CALY: variants seen among roughly 807,000 people sequenced by gnomAD.
CALY encodes the protein neuron-specific vesicular protein calcyon.
In CALY, 15 loss-of-function variants were observed where a neutral mutation model predicts 20.2. The observed-to-expected ratio is 0.74, with a 90% CI of 0.50 to 1.14. CALY has a LOEUF of 1.14. CALY is among the 50% of genes most tolerant of loss of function. The pLI is 0.00. For synonymous variants in CALY, 129 were observed against 131.8 expected, an observed-to-expected ratio of 0.98 and a Z score of 0.15; for missense variants, 270 against 304.4, an observed-to-expected ratio of 0.89 and a Z score of 0.84.
At chr10:133,336,151 G>T (rs1848438706) in intron 1 of CALY, among the ~76,000 whole-genome samples, 1 of 152,158 alleles carries the variant, frequency 6.6e-6, no homozygotes, top group Non-Finnish European at 1.5e-5. Flanking sequence ...TGGCGCTGCA[G>T]GGGGCTGTGG....
At chr10:133,336,058 T>G (rs1848436690) in intron 1 of CALY, among the ~76,000 whole-genome samples, 1 of 152,042 alleles carries the variant, frequency 6.6e-6, no homozygotes, top group African/African-American at 2.4e-5. Flanking sequence ...GGTGGGCTTG[T>G]GCGGGCCGGG....
At chr10:133,326,849 AC>A in intron 4 of CALY, 28 bp downstream of exon 4, 3 of 1,481,342 alleles carry the variant, frequency 2.0e-6, no homozygotes, top group Non-Finnish European at 2.8e-6. Flanking sequence ...GCGGCTCTAC[AC>A]CCCCCACCAG....
chr10:133,335,171 G>C (rs1230692670), intron 1 of CALY, among the ~76,000 whole-genome samples: 1 of 152,144 alleles, frequency 6.6e-6, no homozygotes, highest in Non-Finnish European at 1.5e-5. Context: ...GGTGGAGCTT[G>C]GCCCGCGGGG....
chr10:133,329,281 G>A (rs930253537), intron 1 of CALY, among the ~76,000 whole-genome samples: 5 of 152,204 alleles, frequency 3.3e-5, no homozygotes, highest in Non-Finnish European at 7.4e-5. Flanking sequence ...ACGAAGCAGG[G>A]GGAGACTTCC....
intron 4 of CALY, 140 bp from the exon 5 acceptor site, chr10:133,326,260 T>C: frequency 6.4e-7 from 1 of 1,550,444 alleles, no homozygotes. Flanking sequence ...AAGATCAGCC[T>C]CCAGTTCAGA....
At chr10:133,332,680 G>C (rs1359740847) in intron 1 of CALY, among the ~76,000 whole-genome samples, 2 of 152,172 alleles carry the variant, frequency 1.3e-5, no homozygotes, top group Non-Finnish European at 2.9e-5. Context: ...GGGTGCCTTT[G>C]AATGGGATCT....
chr10:133,331,284 G>A (rs1447934340), intron 1 of CALY, among the ~76,000 whole-genome samples: 1 of 152,118 alleles, frequency 6.6e-6, no homozygotes, highest in Non-Finnish European at 1.5e-5. Flanking sequence ...AATGCTGTAG[G>A]GCAGGACAAA....
chr10:133,331,883 C>A (rs10857702), intron 1 of CALY, among the ~76,000 whole-genome samples: 110,216 of 152,058 alleles, frequency 0.72, 41,396 homozygotes, highest in East Asian at 0.93. Flanking sequence ...AGTCCCAACA[C>A]TTTGGGAGGC....
chr10:133,327,910 G>A lies in CALY; in HGVS notation c.241C>T (p.Arg81Cys), dbSNP rs760926504. The A allele has an allele frequency of 1.1e-5, 17 of 1,607,638 alleles. No homozygotes were observed. Among genetic ancestry groups the A allele is most frequent in the South Asian group, 2.2e-5 (2 of 90,458 alleles). Reference sequence around the variant, plus strand: ...GGTGGGGTGGGTGTGGTTACCCTGCGCCCTTCCTCTGGGTGGCTGCAGTTC... The same window carrying A: ...GGTGGGGTGGGTGTGGTTACCCTGCACCCTTCCTCTGGGTGGCTGCAGTTC... ...RLNCSHPEEG[R>C]RLPTARMIAF... The change falls in exon 3 of 6, where the codon CGC becomes TGC. Residue 81 changes from arginine to cysteine, a missense_variant. Physicochemically the swap from Arg to Cys is radical, Grantham distance 180. Coordinates refer to ENST00000252939, the MANE Select transcript of CALY (RefSeq NM_015722.4).
chr10:133,336,464 C>A (rs1228489201), intron 1 of CALY, among the ~76,000 whole-genome samples: 1 of 150,944 alleles, frequency 6.6e-6, no homozygotes, highest in African/African-American at 2.4e-5. Flanking sequence ...CAGAGCTGGG[C>A]GGGAGCTGGG....
Position 133,328,979 on chromosome 10 carries a change from A to G in CALY, c.11T>C (p.Leu4Pro). The G allele has an allele frequency of 6.4e-7, 1 of 1,563,824 alleles. No individual in the cohort carries two copies. Residue 4 changes from leucine to proline, a missense_variant, in exon 2 of 6, where the codon CTG becomes CCG. Transcript: ENST00000252939. MVK[L>P]GCSFSGKPGK... ...TGGCTTCCCAGAGAAGCTGCAGCCC[A>G]GCTTCACCATGGTGGATGGCAGTCC...
At chr10:133,332,630 T>C (rs1848328172) in intron 1 of CALY, among the ~76,000 whole-genome samples, 1 of 152,206 alleles carries the variant, frequency 6.6e-6, no homozygotes, top group South Asian at 2.1e-4. Context: ...TTGAATGATG[T>C]TCCCTCAAAA....
At position 133,328,944 on chromosome 10, in the gene CALY, G is replaced by A. The variant is rs1225053899; in HGVS notation, c.46C>T (p.Pro16Ser). Residue 16 changes from proline (P) to serine (S), a missense_variant, in exon 2 of 6, where the codon CCT (proline) becomes TCT (serine). Transcript: ENST00000252939. ...ATGGCAGCCCCATCCTGGTCCCCAGGGTCTTTACCTGGCTTCCCAGAGAAG... is the reference window on the plus strand; with the variant it reads ...ATGGCAGCCCCATCCTGGTCCCCAGAGTCTTTACCTGGCTTCCCAGAGAAG... ...CSFSGKPGKDPGDQDGAAMDS... is the reference protein window; with the variant it reads ...CSFSGKPGKDSGDQDGAAMDS... 1.9e-6 allele frequency: 3 copies of A among 1,563,734 alleles called. No homozygotes were observed. Among genetic ancestry groups the A allele is most frequent in the Non-Finnish European group, 8.7e-7 (1 of 1,153,218 alleles).
intron 1 of CALY, among the ~76,000 whole-genome samples, chr10:133,334,550 C>T (rs1217411120): frequency 1.6e-5 from 1 of 61,708 alleles, no homozygotes; most frequent in Non-Finnish European, 3.2e-5. Context: ...GGGGGGAAGG[C>T]TCTGAGGGGG....
rs147062311 is a variant in CALY, at chr10:133,326,067, G to C, written c.414C>G (p.Pro138=). ...TLEMYYTEMD[P]ERHRSILAAI... ...CCGCCAGGATGCTGCGGTGGCGCTC[G>C]GGGTCCATCTCCGTGTAGTACATCT... The change falls in exon 5 of 6, where the codon CCC becomes CCG. Residue 138 remains proline (P), a synonymous_variant. Transcript: ENST00000252939. 1.8e-5 allele frequency: 28 copies of C among 1,599,664 alleles called. No individual in the cohort carries two copies. The highest frequency in any genetic ancestry group is 1.7e-4 in the Middle Eastern group (1 of 6,050).
chr10:133,328,777 T>A (rs1275910661), intron 2 of CALY, 78 bp downstream of exon 2: 3 of 1,412,028 alleles, frequency 2.1e-6, no homozygotes, highest in Non-Finnish European at 2.8e-6. Context: ...AGAGGCCATA[T>A]CTAGACAAAC....
At chr10:133,336,543 C>T (rs1292673788) in intron 1 of CALY, among the ~76,000 whole-genome samples, 1 of 152,144 alleles carries the variant, frequency 6.6e-6, no homozygotes, top group Admixed American at 6.5e-5. Context: ...CGGGGCCCCG[C>T]CGTCACGGGA....
intron 1 of CALY, among the ~76,000 whole-genome samples, chr10:133,331,813 G>A (rs1848314595): frequency 6.6e-6 from 1 of 152,188 alleles, no homozygotes; most frequent in South Asian, 2.1e-4. Context: ...AGAGGGGCAG[G>A]AACACATCAA....
intron 1 of CALY, among the ~76,000 whole-genome samples, chr10:133,329,939 C>CT (rs1259154733): frequency 2.0e-5 from 3 of 152,204 alleles, no homozygotes; most frequent in Non-Finnish European, 4.4e-5. Flanking sequence ...GTCAGCCCAG[C>CT]TGCGAGCCTG....
Sources: gnomAD v4.1 joint callset for allele counts (sites outside exome capture counted in the v4.1 genomes callset) on GRCh38, gnomAD v4.1.1 for gene constraint, MANE v1.5 for transcripts, NCBI Gene and HGNC (gene_info 2026-07-23, HGNC 2026-07-21) for gene names.